The following PRKCE variants were observed in gnomAD, a reference collection of about 807,000 sequenced individuals.
PRKCE encodes the protein protein kinase C epsilon type.
A neutral mutation model predicts 85.4 loss-of-function variants in PRKCE; 16 were observed. That is an observed-to-expected ratio of 0.19 (90% confidence interval 0.13 to 0.28). The LOEUF (loss-of-function observed/expected upper bound fraction) is 0.28. Among genes scored for constraint, PRKCE ranks in the 10% least tolerant of loss-of-function variants. The pLI is 1.00. For missense variants in PRKCE, 573 were observed against 975.2 expected (o/e 0.59, Z 5.49); for synonymous variants, 388 against 371.5 (o/e 1.04, Z -0.51).
At chr2:45,804,209 C>G (rs1335838689) in intron 1 of PRKCE, among the ~76,000 whole-genome samples, 1 of 152,178 alleles carries the variant, frequency 6.6e-6, no homozygotes, top group Non-Finnish European at 1.5e-5. Context: ...GCTGCGTAGC[C>G]AAAGCCAAGG....
intron 2 of PRKCE, among the ~76,000 whole-genome samples, chr2:45,954,717 T>G (rs1311540522): frequency 6.6e-6 from 1 of 152,198 alleles, no homozygotes; most frequent in Non-Finnish European, 1.5e-5. Context: ...AGGAAACAAT[T>G]ACTGTCAAGA....
chr2:45,730,148 C>T (rs1432551245), intron 1 of PRKCE, among the ~76,000 whole-genome samples: 2 of 152,106 alleles, frequency 1.3e-5, no homozygotes, highest in Non-Finnish European at 2.9e-5. Context: ...TTGGGGACAA[C>T]AGAGCACAAC....
At chr2:46,120,860 TA>T (rs1673248124) in intron 11 of PRKCE, among the ~76,000 whole-genome samples, 2 of 152,228 alleles carry the variant, frequency 1.3e-5, no homozygotes, top group Admixed American at 1.3e-4. Context: ...ATCCATACTG[TA>T]AAAACTAGAA....
chr2:45,958,808 ATATATATATTTTTTTTTTTTTTTTTT>A lies in PRKCE; in HGVS notation c.413-17619_413-17594del, dbSNP rs1368879588. Among the ~76,000 whole-genome samples the A allele has an allele frequency of 4.6e-4, 11 of 23,814 alleles. 1 individual carries two copies. The highest frequency in any genetic ancestry group is 8.9e-4 in the African/African-American group (5 of 5,620). 15.6% of individuals were successfully genotyped at this position (23,814 alleles called of 152,430 possible). On this transcript the variant is annotated intron_variant, in intron 2 of 14. Transcript: ENST00000306156. ...CTTTAAAACATATATATATATATAT[ATATATATATTTTTTTTTTTTTTTTTT>A]TTTTTTTTTTTTTTTTTTTTTAATA...
At chr2:45,753,197 G>A (rs1683727711) in intron 1 of PRKCE, among the ~76,000 whole-genome samples, 1 of 152,092 alleles carries the variant, frequency 6.6e-6, no homozygotes, top group Admixed American at 6.5e-5. Flanking sequence ...CTGAAGCCTA[G>A]TTAAAAATGC....
At chr2:45,800,191 A>G (rs1687748051) in intron 1 of PRKCE, among the ~76,000 whole-genome samples, 1 of 152,260 alleles carries the variant, frequency 6.6e-6, no homozygotes, top group African/African-American at 2.4e-5. Context: ...GGCATGGAGC[A>G]GTATGCTAAA....
rs61763790 is a variant in PRKCE, at chr2:45,974,380, G to A, written c.413-2049G>A. ...TGAGCTTTCTGTACCCAGAAGGTCGGTGATGCCAGAGACTTTTTGAAACAA... is the reference window on the plus strand; with the variant it reads ...TGAGCTTTCTGTACCCAGAAGGTCGATGATGCCAGAGACTTTTTGAAACAA... On this transcript the variant is annotated intron_variant, in intron 2 of 14. Coordinates refer to ENST00000306156, the MANE Select transcript of PRKCE (RefSeq NM_005400.3). 7.2e-3 allele frequency among the ~76,000 whole-genome samples: 1,100 copies of A among 152,252 alleles called. 14 individuals carry two copies. Among genetic ancestry groups the A allele is most frequent in the African/African-American group, 0.025 (1,047 of 41,542 alleles).
At chr2:45,810,723 A>G (rs1688596251) in intron 1 of PRKCE, among the ~76,000 whole-genome samples, 1 of 152,182 alleles carries the variant, frequency 6.6e-6, no homozygotes, top group African/African-American at 2.4e-5. Context: ...AGCTGGGACT[A>G]CAGGCATGCA....
rs1164170111 is a variant in PRKCE, at chr2:46,102,501, A to G, written c.1592+16139A>G. Among the ~76,000 whole-genome samples the G allele has an allele frequency of 2.6e-5, 4 of 152,346 alleles. No individual in the cohort carries two copies. In the East Asian group the frequency reaches 7.7e-4, roughly 29 times the overall value. ...CAGGTTCCCCTATTAATGAACTAATACTGACACATTATTATTAACTAAGCC... is the reference window on the plus strand; with the variant it reads ...CAGGTTCCCCTATTAATGAACTAATGCTGACACATTATTATTAACTAAGCC... On this transcript the variant is annotated intron_variant, in intron 11 of 14. Coordinates refer to ENST00000306156, the MANE Select transcript of PRKCE (RefSeq NM_005400.3).
At chr2:45,893,443 C>T (rs553536475) in intron 2 of PRKCE, among the ~76,000 whole-genome samples, 3 of 151,724 alleles carry the variant, frequency 2.0e-5, no homozygotes, top group South Asian at 2.1e-4. Context: ...TCTCGGCTCA[C>T]TGCAACCTCT....
chr2:46,125,784 T>A (rs1673789280), intron 11 of PRKCE, among the ~76,000 whole-genome samples: 1 of 152,166 alleles, frequency 6.6e-6, no homozygotes, highest in African/African-American at 2.4e-5. Flanking sequence ...TGACAATGAG[T>A]CATTCTTAAT....
intron 1 of PRKCE, among the ~76,000 whole-genome samples, chr2:45,713,076 T>C (rs771872517): frequency 6.6e-6 from 1 of 152,252 alleles, no homozygotes; most frequent in Non-Finnish European, 1.5e-5. Flanking sequence ...TGACTTGCAG[T>C]GCTGTCCTCC....
chr2:46,148,209 A>G (rs537265307), intron 12 of PRKCE, among the ~76,000 whole-genome samples: 1 of 151,844 alleles, frequency 6.6e-6, no homozygotes, highest in East Asian at 1.9e-4. Context: ...ATCAGGGCCA[A>G]TGCCTTCTCC....
chr2:45,870,139 A>G (rs976159422), intron 2 of PRKCE, among the ~76,000 whole-genome samples: 2 of 152,210 alleles, frequency 1.3e-5, no homozygotes, highest in African/African-American at 2.4e-5. Context: ...CTACCTCTGA[A>G]GGGCTCCTCA....
intron 6 of PRKCE, among the ~76,000 whole-genome samples, chr2:45,990,665 T>G (rs991196718): frequency 6.6e-6 from 1 of 151,888 alleles, no homozygotes; most frequent in African/African-American, 2.4e-5. Context: ...TTTCTTTTTT[T>G]TTTTTTTGAG....
At chr2:46,045,783 G>A (rs886983258) in intron 10 of PRKCE, among the ~76,000 whole-genome samples, 9 of 152,092 alleles carry the variant, frequency 5.9e-5, no homozygotes, top group Non-Finnish European at 8.8e-5. Flanking sequence ...GGAGGCTGAG[G>A]CACAAGAATC....
intron 1 of PRKCE, among the ~76,000 whole-genome samples, chr2:45,765,404 G>C (rs1317555620): frequency 6.6e-6 from 1 of 152,216 alleles, no homozygotes; most frequent in Non-Finnish European, 1.5e-5. Context: ...GTGCTGAGGA[G>C]ATGCTTCATT....
chr2:46,097,538 G>A (rs1451803473), intron 11 of PRKCE, among the ~76,000 whole-genome samples: 10 of 129,014 alleles, frequency 7.8e-5, no homozygotes, highest in African/African-American at 1.1e-4. Flanking sequence ...AAAAAAAAAA[G>A]CTGTGAAGTC....
At chr2:45,925,494 C>G (rs768520221) in intron 2 of PRKCE, among the ~76,000 whole-genome samples, 1 of 152,104 alleles carries the variant, frequency 6.6e-6, no homozygotes, top group African/African-American at 2.4e-5. Context: ...TGGGGTTTCA[C>G]CATGTTGGCC....
Sources: gnomAD v4.1 joint callset for allele counts (sites outside exome capture counted in the v4.1 genomes callset) on GRCh38, gnomAD v4.1.1 for gene constraint, MANE v1.5 for transcripts, NCBI Gene and HGNC (gene_info 2026-07-23, HGNC 2026-07-21) for gene names.